SPG11: variants seen among roughly 807,000 people sequenced by gnomAD.
The protein encoded by SPG11 is spatacsin.
Under a neutral mutation model 274.0 loss-of-function variants are expected in SPG11, and 222 were observed. The observed-to-expected ratio is 0.81, with a 90% CI of 0.73 to 0.91. The LOEUF (loss-of-function observed/expected upper bound fraction) is 0.91, where lower values mean the gene tolerates loss of function less well. SPG11 is among the 40% of genes least tolerant of loss of function. The probability of loss-of-function intolerance (pLI) is 0.00; values close to 1 mark genes in which losing one functional copy is unlikely to be tolerated. For missense variants in SPG11, 3,114 were observed against 2,872.7 expected (o/e 1.08, Z -1.92); for synonymous variants, 1,144 against 1,039.7 (o/e 1.10, Z -1.93).
chr15:44,563,086 TAACAGTACAAGAA>T lies in SPG11; in HGVS notation c.*22_*34del. ...TCTCATCACATCTGTCAGAATCTGC[TAACAGTACAAGAA>T]AACAGACACCTATGAAATCATCTAA... On this transcript the variant is annotated 3_prime_UTR_variant, in exon 40 of 40. Coordinates refer to ENST00000261866, the MANE Select transcript of SPG11 (RefSeq NM_025137.4). The T allele has an allele frequency of 6.2e-7, 1 of 1,603,656 alleles. No individual in the cohort carries two copies. Among genetic ancestry groups the T allele is most frequent in the South Asian group, 1.1e-5 (1 of 90,796 alleles).
chr15:44,562,993 A>C lies in SPG11; in HGVS notation c.*128T>G. On this transcript the variant is annotated 3_prime_UTR_variant, in exon 40 of 40. Transcript: ENST00000261866. ...GTTTCTTACTTGCTACCTACTACCC[A>C]CAAAGGACTGATATGGTACAGTACC... The C allele has an allele frequency of 1.1e-6, 1 of 895,126 alleles. No individual in the cohort carries two copies. The allele number at this position is 895,126 out of a possible 1,614,324, so 55.4% of individuals were successfully genotyped here.
intron 11 of SPG11, among the ~76,000 whole-genome samples, chr15:44,623,400 C>G (rs190766908): frequency 6.6e-6 from 1 of 152,278 alleles, no homozygotes; most frequent in Admixed American, 6.5e-5. Context: ...CAAGTGGAAA[C>G]AATGATCAAT....
rs1422524647 is a variant in SPG11, at chr15:44,595,218, A to G, written c.4635+41T>C. ...AGCCAAGAAGGGATATGCTGAAGTAATCTCTTAAGCTCTGGAAAGAAGTGA... is the reference window on the plus strand; with the variant it reads ...AGCCAAGAAGGGATATGCTGAAGTAGTCTCTTAAGCTCTGGAAAGAAGTGA... On this transcript the variant is annotated intron_variant, in intron 26 of 39. Coordinates refer to ENST00000261866, the MANE Select transcript of SPG11 (RefSeq NM_025137.4). The G allele has an allele frequency of 3.1e-6, 5 of 1,588,046 alleles. No homozygotes were observed. In the Admixed American group the frequency reaches 8.3e-5, roughly 26 times the overall value.
rs762704140 is a variant in SPG11 at position 44,657,208 on chromosome 15, C to T, written c.756G>A (p.Glu252=). ...AAGTAAATGAAGAAATCTTGGCTGG[C>T]TCCTGTTGCTGCTCATTACACATGT... ...KEDMCNEQQQ[E]PAKISSFTSL... The change falls in exon 4 of 40, where the codon GAG becomes GAA. Residue 252 remains glutamate (E), a synonymous_variant. Coordinates refer to ENST00000261866, the MANE Select transcript of SPG11 (RefSeq NM_025137.4). 35 of 1,614,054 alleles carry T rather than the reference C, an allele frequency of 2.2e-5. No homozygotes were observed. The highest frequency in any genetic ancestry group is 3.3e-4 in the Middle Eastern group (2 of 6,084).
chr15:44,563,420 C>T, intron 39 of SPG11, 119 bp from the exon 40 acceptor site: 1 of 831,022 alleles, frequency 1.2e-6, no homozygotes. Context: ...CTCACTGCAA[C>T]CTCCACCTGC....
intron 30 of SPG11, among the ~76,000 whole-genome samples, chr15:44,581,070 C>A (rs1165771031): frequency 6.6e-6 from 1 of 151,862 alleles, no homozygotes; most frequent in Non-Finnish European, 1.5e-5. Context: ...GAAAAAAAAA[C>A]ATCGAGAGCA....
chr15:44,609,052 G>A lies in SPG11; in HGVS notation c.3292-447C>T, dbSNP rs1055015206. ...GAGGATTAAATAGTCGTGTTTTAAG[G>A]TATACTGCAACAATCTAAAAAAGGT... On this transcript the variant is annotated intron_variant, in intron 18 of 39. Coordinates refer to ENST00000261866, the MANE Select transcript of SPG11 (RefSeq NM_025137.4). Among the ~76,000 whole-genome samples, 3 of 152,110 alleles carry A rather than the reference G, an allele frequency of 2.0e-5. No individual in the cohort carries two copies. In the East Asian group the frequency reaches 5.8e-4, roughly 29 times the overall value.
rs542736681 is a variant in SPG11 at position 44,574,778 on chromosome 15, T to TA, written c.6006+123dup. ...AAAATTATGAGGGCCAACATCCTGA[T>TA]AAGAGCTCTACTCCCAGGTCATGAT... is the stretch of plus-strand genomic sequence containing the variant. On this transcript the variant is annotated intron_variant, in intron 31 of 39. Transcript: ENST00000261866. 721 of 1,199,400 alleles carry TA rather than the reference T, an allele frequency of 6.0e-4. 8 individuals are homozygous for TA. In the African/African-American group the frequency reaches 9.5e-3, roughly 16 times the overall value. 74.3% of individuals were successfully genotyped at this position (1,199,400 alleles called of 1,614,324 possible).
At chr15:44,593,820 C>T (rs150458687) in intron 26 of SPG11, among the ~76,000 whole-genome samples, 1 of 148,574 alleles carries the variant, frequency 6.7e-6, no homozygotes, top group African/African-American at 2.5e-5. Context: ...GTGGTGTGAT[C>T]TTGGCTCACT....
chr15:44,598,122 A>G, intron 23 of SPG11, 143 bp downstream of exon 23: 1 of 663,768 alleles, frequency 1.5e-6, no homozygotes, highest in Non-Finnish European at 2.7e-6. Context: ...TTTACTGAGT[A>G]TCTGCTACAT....
rs1438909897 is a variant in SPG11, at chr15:44,660,463, T to C, written c.411A>G (p.Ala137=). 3.7e-6 allele frequency: 6 copies of C among 1,613,986 alleles called. No individual in the cohort carries two copies. The African/African-American group carries it at 5.3e-5, about 14-fold the overall frequency. The change falls in exon 2 of 40, where the codon GCA becomes GCG. Residue 137 remains alanine, a synonymous_variant. Coordinates refer to ENST00000261866, the MANE Select transcript of SPG11 (RefSeq NM_025137.4). ...CTTGATCGTCAATGAGCTTTTGCAA[T>C]GCCTCCCTACTACAGCTATACAAAA... ...ATILYSCSRE[A]LQKLIDDQDI...
chr15:44,630,438 C>T (rs1335801324), intron 8 of SPG11, among the ~76,000 whole-genome samples: 2 of 152,218 alleles, frequency 1.3e-5, no homozygotes, highest in Non-Finnish European at 2.9e-5. Flanking sequence ...TCTACAACTG[C>T]TGATGGAGCC....
chr15:44,601,771 C>T (rs1357307478), intron 20 of SPG11, among the ~76,000 whole-genome samples: 2 of 152,078 alleles, frequency 1.3e-5, no homozygotes, highest in African/African-American at 4.8e-5. Flanking sequence ...GTTGGCCAGG[C>T]TGGTCTCGAA....
rs536668862 is a variant in SPG11 at position 44,575,917 on chromosome 15, C to A, written c.5867-876G>T. 4.9e-3 allele frequency among the ~76,000 whole-genome samples: 749 copies of A among 151,784 alleles called. 9 individuals are homozygous for A. Among genetic ancestry groups the A allele is most frequent in the African/African-American group, 0.017 (714 of 41,444 alleles). On this transcript the variant is annotated intron_variant, in intron 30 of 39. Transcript: ENST00000261866. ...CAGCACTTTGGGAGGCTGAGGCGGGCGGATCACTTGAGGTCAGGAGTTCGA... is the reference window on the plus strand; with the variant it reads ...CAGCACTTTGGGAGGCTGAGGCGGGAGGATCACTTGAGGTCAGGAGTTCGA...
At chr15:44,582,889 C>G (rs1173740213) in intron 30 of SPG11, among the ~76,000 whole-genome samples, 1 of 152,132 alleles carries the variant, frequency 6.6e-6, no homozygotes, top group African/African-American at 2.4e-5. Flanking sequence ...TAAAGCCTGT[C>G]TTCAAAAACC....
rs530387684 is a variant in SPG11 at position 44,638,409 on chromosome 15, A to T, written c.1603-4772T>A. Reference sequence around the variant, plus strand: ...CAGGAGGTGGAGGCTACGGTGAGCCAAGATCGTGCCACCTGCACTCCAGCC... The same window carrying T: ...CAGGAGGTGGAGGCTACGGTGAGCCTAGATCGTGCCACCTGCACTCCAGCC... On this transcript the variant is annotated intron_variant, in intron 7 of 39. Transcript: ENST00000261866. Among the ~76,000 whole-genome samples, 42 of 152,154 alleles carry T rather than the reference A, an allele frequency of 2.8e-4. 1 individual carries two copies. The highest frequency in any genetic ancestry group is 1.6e-3 in the Admixed American group (24 of 15,272).
rs146546289 is a variant in SPG11, at chr15:44,565,872, G to A, written c.6981C>T (p.Ala2327=). The change falls in exon 38 of 40, where the codon GCC becomes GCT. Residue 2327 remains alanine (A), a synonymous_variant. Transcript: ENST00000261866. ...TGCTCACCTGGTAGAACCGAGGTAGGGCCAGAATACAGTCCATCAGCTTGT... is the reference window on the plus strand; with the variant it reads ...TGCTCACCTGGTAGAACCGAGGTAGAGCCAGAATACAGTCCATCAGCTTGT... ...GRHKLMDCIL[A]LPRFYQASIV... is the part of the protein sequence containing the mutation. The A allele has an allele frequency of 2.5e-6, 4 of 1,613,948 alleles. No homozygotes were observed. The highest frequency in any genetic ancestry group is 1.3e-5 in the African/African-American group (1 of 74,926).
intron 24 of SPG11, among the ~76,000 whole-genome samples, 163 bp downstream of exon 24, chr15:44,596,621 T>C (rs1274284801): frequency 5.5e-5 from 5 of 91,032 alleles, no homozygotes. Context: ...AATAGTATCA[T>C]ATGAAACAAA....
intron 6 of SPG11, 119 bp downstream of exon 6, chr15:44,651,372 C>G (rs1303399706): frequency 1.2e-6 from 1 of 861,782 alleles, no homozygotes; most frequent in Non-Finnish European, 1.8e-6. Flanking sequence ...AAGAAACTTC[C>G]TCTATAAACA....
Sources: gnomAD v4.1 joint callset for allele counts (sites outside exome capture counted in the v4.1 genomes callset) on GRCh38, gnomAD v4.1.1 for gene constraint, MANE v1.5 for transcripts, NCBI Gene and HGNC (gene_info 2026-07-23, HGNC 2026-07-21) for gene names.